Variants in CSNK1G1 observed in about 807,000 individuals in gnomAD.
The protein encoded by CSNK1G1 is casein kinase 1 gamma 1.
A neutral mutation model predicts 59.6 loss-of-function variants in CSNK1G1; 22 were observed. That is an observed-to-expected ratio of 0.37 (90% CI 0.26 to 0.53). The LOEUF is 0.53. CSNK1G1 is among the 20% of genes least tolerant of loss of function. CSNK1G1 has a pLI of 0.89. For missense variants in CSNK1G1, 384 were observed against 519.5 expected, an observed-to-expected ratio of 0.74 and a Z score of 2.54; for synonymous variants, 179 against 177.1, an observed-to-expected ratio of 1.01 and a Z score of -0.08.
intron 2 of CSNK1G1, among the ~76,000 whole-genome samples, chr15:64,262,888 G>A (rs1014862959): frequency 5.3e-5 from 8 of 152,026 alleles, no homozygotes; most frequent in African/African-American, 1.9e-4. Context: ...AGACCAGCCT[G>A]ACCAACATGG....
intron 4 of CSNK1G1, among the ~76,000 whole-genome samples, chr15:64,244,823 G>A (rs931723687): frequency 5.9e-5 from 9 of 151,848 alleles, no homozygotes; most frequent in African/African-American, 9.7e-5. Flanking sequence ...GTATCAAGGC[G>A]GGGAAAAAAA....
intron 10 of CSNK1G1, 49 bp downstream of exon 10, chr15:64,203,033 T>C (rs772862682): frequency 2.2e-6 from 3 of 1,386,286 alleles, no homozygotes; most frequent in Non-Finnish European, 3.1e-6. Context: ...GTTTTAATAT[T>C]AGCCAAGAAG....
intron 10 of CSNK1G1, among the ~76,000 whole-genome samples, chr15:64,202,069 T>TA (rs2082116519): frequency 6.6e-6 from 1 of 152,212 alleles, no homozygotes; most frequent in Non-Finnish European, 1.5e-5. Context: ...GTGTTTGCCT[T>TA]ATCTGTCTTT....
Position 64,270,684 on chromosome 15 carries a change from C to T in CSNK1G1, c.182-11443G>A, listed in dbSNP as rs188033747. On this transcript the variant is annotated intron_variant, in intron 2 of 11. Transcript: ENST00000303052. ...CTAAGGCAGGAACATGGCGTGAACCCAGGAGGCGGAGCTTGCAGTGAGCAG... is the reference window on the plus strand; with the variant it reads ...CTAAGGCAGGAACATGGCGTGAACCTAGGAGGCGGAGCTTGCAGTGAGCAG... Among the ~76,000 whole-genome samples the T allele has an allele frequency of 6.4e-4, 97 of 150,726 alleles. No individual in the cohort carries two copies. In the East Asian group the frequency reaches 9.8e-3, roughly 15 times the overall value.
At chr15:64,286,952 CTTTA>C (rs1319940458) in intron 2 of CSNK1G1, among the ~76,000 whole-genome samples, 1 of 152,082 alleles carries the variant, frequency 6.6e-6, no homozygotes, top group African/African-American at 2.4e-5. Context: ...TCATTTTATA[CTTTA>C]TTTATATTTC....
rs1892803503 is a variant in CSNK1G1 at position 64,263,399 on chromosome 15, G to C, written c.182-4158C>G. 2.0e-5 allele frequency among the ~76,000 whole-genome samples: 3 copies of C among 151,932 alleles called. No individual in the cohort carries two copies. In the South Asian group the frequency reaches 6.2e-4, roughly 32 times the overall value. Reference sequence around the variant, plus strand: ...AGACGGGGTTTCGCCATGTTGGCCAGGATGGGCTCGATCTCTTGACTTCAT... The same window carrying C: ...AGACGGGGTTTCGCCATGTTGGCCACGATGGGCTCGATCTCTTGACTTCAT... On this transcript the variant is annotated intron_variant, in intron 2 of 11. Coordinates refer to ENST00000303052, the MANE Select transcript of CSNK1G1 (RefSeq NM_022048.5).
chr15:64,300,779 G>C (rs1895287240), intron 1 of CSNK1G1, 56 bp from the exon 2 acceptor site: 2 of 1,051,540 alleles, frequency 1.9e-6, no homozygotes, highest in Non-Finnish European at 2.4e-6. Context: ...AACAAATTCA[G>C]AAAGTCACTA....
At chr15:64,337,496 C>T (rs922105856) in intron 1 of CSNK1G1, among the ~76,000 whole-genome samples, 5 of 152,016 alleles carry the variant, frequency 3.3e-5, no homozygotes, top group Non-Finnish European at 5.9e-5. Context: ...CTACAGGTAC[C>T]ACCATGCCTA....
At chr15:64,246,618 G>A (rs1190145105) in intron 4 of CSNK1G1, among the ~76,000 whole-genome samples, 3 of 100,984 alleles carry the variant, frequency 3.0e-5, no homozygotes, top group Admixed American at 1.2e-4. Context: ...GCAAGAGTCC[G>A]TCTCTTTAAA....
At chr15:64,183,112 C>T (rs944583028) in intron 10 of CSNK1G1, among the ~76,000 whole-genome samples, 7 of 152,194 alleles carry the variant, frequency 4.6e-5, no homozygotes, top group Non-Finnish European at 8.8e-5. Context: ...TCTACTCACA[C>T]GAATGAAACA....
intron 1 of CSNK1G1, among the ~76,000 whole-genome samples, chr15:64,352,362 C>A (rs1898342841): frequency 6.6e-6 from 1 of 151,602 alleles, no homozygotes; most frequent in Admixed American, 6.6e-5. Flanking sequence ...TATATACAGA[C>A]CTTACACTCT....
chr15:64,315,327 G>A (rs761917213), intron 1 of CSNK1G1, among the ~76,000 whole-genome samples: 1 of 152,150 alleles, frequency 6.6e-6, no homozygotes, highest in Admixed American at 6.5e-5. Flanking sequence ...CAGCAACGCC[G>A]GGGATTACAA....
intron 2 of CSNK1G1, among the ~76,000 whole-genome samples, chr15:64,295,832 G>A (rs1165290913): frequency 6.6e-6 from 1 of 152,130 alleles, no homozygotes; most frequent in Admixed American, 6.6e-5. Flanking sequence ...ATTGCCTACA[G>A]GATAAAGTCC....
intron 2 of CSNK1G1, among the ~76,000 whole-genome samples, chr15:64,289,253 CA>C (rs1211387718): frequency 6.6e-6 from 1 of 151,874 alleles, no homozygotes; most frequent in African/African-American, 2.4e-5. Context: ...TCTGGTTAAC[CA>C]TTCAAGATGT....
At chr15:64,243,990 G>A (rs1382538312) in intron 4 of CSNK1G1, among the ~76,000 whole-genome samples, 1 of 151,972 alleles carries the variant, frequency 6.6e-6, no homozygotes, top group Non-Finnish European at 1.5e-5. Context: ...CCAACATGGT[G>A]AAACCCCGTC....
At chr15:64,253,539 T>A (rs913785852) in intron 3 of CSNK1G1, among the ~76,000 whole-genome samples, 1 of 152,078 alleles carries the variant, frequency 6.6e-6, no homozygotes, top group African/African-American at 2.4e-5. Context: ...AAAGACAGAA[T>A]CATTATGATT....
intron 2 of CSNK1G1, among the ~76,000 whole-genome samples, chr15:64,275,075 C>G (rs538299274): frequency 6.6e-6 from 1 of 152,196 alleles, no homozygotes; most frequent in Non-Finnish European, 1.5e-5. Flanking sequence ...CACAGTCTTG[C>G]TATGTTGCCC....
chr15:64,270,026 T>C (rs1290164102), intron 2 of CSNK1G1, among the ~76,000 whole-genome samples: 1 of 152,180 alleles, frequency 6.6e-6, no homozygotes, highest in African/African-American at 2.4e-5. Context: ...AGGCTGGTCT[T>C]GAACTCCTGA....
At chr15:64,340,345 T>G (rs1187526843) in intron 1 of CSNK1G1, among the ~76,000 whole-genome samples, 3 of 152,212 alleles carry the variant, frequency 2.0e-5, no homozygotes, top group Admixed American at 6.5e-5. Context: ...TTTTTTTTTC[T>G]TTAGCACATC....
Sources: allele counts gnomAD v4.1 joint callset (sites outside exome capture counted in the v4.1 genomes callset), GRCh38; gene constraint gnomAD v4.1.1; transcripts MANE v1.5; gene names NCBI Gene and HGNC (gene_info 2026-07-23, HGNC 2026-07-21).